Variants in CAAP1 observed in about 807,000 individuals in gnomAD.
The protein encoded by CAAP1 is caspase activity and apoptosis inhibitor 1, also known as conserved anti-apoptotic protein.
CAAP1 carries 20 observed loss-of-function variants against 34.0 expected under a neutral mutation model. That is an observed-to-expected ratio of 0.59 (90% CI 0.41 to 0.86). CAAP1 has a LOEUF of 0.86. Among genes scored for constraint, CAAP1 ranks in the 40% least tolerant of loss-of-function variants. The pLI is 0.00. For missense variants in CAAP1, 538 were observed against 450.5 expected (o/e 1.19, Z -1.76); for synonymous variants, 213 against 166.7 (o/e 1.28, Z -2.14).
intron 5 of CAAP1, among the ~76,000 whole-genome samples, chr9:26,856,775 T>C (rs555074193): frequency 3.3e-5 from 5 of 152,330 alleles, no homozygotes; most frequent in African/African-American, 1.2e-4. Flanking sequence ...CATTTAATAG[T>C]CCTTCAAATA....
chr9:26,852,772 G>A (rs139655324), intron 5 of CAAP1, among the ~76,000 whole-genome samples: 87 of 151,912 alleles, frequency 5.7e-4, no homozygotes, highest in Non-Finnish European at 6.8e-4. Flanking sequence ...TGAAATTCTA[G>A]GTTTATTAGA....
intron 1 of CAAP1, among the ~76,000 whole-genome samples, chr9:26,888,076 TA>T (rs1267606355): frequency 6.6e-6 from 1 of 152,252 alleles, no homozygotes; most frequent in Non-Finnish European, 1.5e-5. Context: ...TCTACTGCCA[TA>T]ATTCTGTTCC....
intron 5 of CAAP1, among the ~76,000 whole-genome samples, chr9:26,851,534 G>T (rs1470016697): frequency 3.3e-5 from 5 of 152,150 alleles, no homozygotes; most frequent in Admixed American, 2.0e-4. Context: ...TTTTACAATG[G>T]ATCAGATAAG....
chr9:26,884,849 G>A lies in CAAP1; in HGVS notation c.626C>T (p.Ala209Val). Residue 209 changes from alanine to valine, a missense_variant, in exon 4 of 6, where the codon GCA (alanine) becomes GTA (valine). Ala to Val is a moderately conservative substitution (Grantham distance 64, BLOSUM62 0). Coordinates refer to ENST00000333916, the MANE Select transcript of CAAP1 (RefSeq NM_024828.4). ...NGMDSDMEEE[A>V]DDGSKMGSDL... ...AGATCCCATCTTAGAACCATCATCT[G>A]CTTCCTCTTCCATATCAGAGTCCAT... 1.2e-6 allele frequency: 2 copies of A among 1,609,432 alleles called. No homozygotes were observed.
At chr9:26,885,734 C>A (rs1417877029) in intron 3 of CAAP1, among the ~76,000 whole-genome samples, 4 of 152,010 alleles carry the variant, frequency 2.6e-5, no homozygotes, top group Admixed American at 6.6e-5. Context: ...AGAGAGTAAA[C>A]AATATGCAAT....
At chr9:26,846,286 G>A (rs1203529401) in intron 5 of CAAP1, among the ~76,000 whole-genome samples, 3 of 151,488 alleles carry the variant, frequency 2.0e-5, no homozygotes, top group Non-Finnish European at 2.9e-5. Context: ...GCGTGGTGGC[G>A]GGTGCCTGTA....
rs183466731 is a variant in CAAP1, at chr9:26,860,123, A to G, written c.739+943T>C. On this transcript the variant is annotated intron_variant, in intron 5 of 5. Transcript: ENST00000333916. ...AGATAACTTAATCTTCTTGGATGCA[A>G]CAAATTTTTACTGTTCTGAATTAAT... Among the ~76,000 whole-genome samples the G allele has an allele frequency of 4.4e-4, 67 of 152,318 alleles. No homozygotes were observed. The East Asian group carries it at 0.012, about 26-fold the overall frequency.
At chr9:26,892,121 T>A in intron 1 of CAAP1, 1 of 647,430 alleles carries the variant, frequency 1.5e-6, no homozygotes. Flanking sequence ...AGCTTCCAAC[T>A]CGTATTCTTC....
At chr9:26,870,921 G>T (rs1315517506) in intron 4 of CAAP1, among the ~76,000 whole-genome samples, 1 of 151,960 alleles carries the variant, frequency 6.6e-6, no homozygotes, top group Non-Finnish European at 1.5e-5. Context: ...CCAGCCGCAG[G>T]TCTATATTTT....
At chr9:26,852,732 C>T (rs1346690876) in intron 5 of CAAP1, among the ~76,000 whole-genome samples, 3 of 151,850 alleles carry the variant, frequency 2.0e-5, no homozygotes, top group Non-Finnish European at 4.4e-5. Flanking sequence ...TATAAGACTA[C>T]AGTACAGTAA....
At chr9:26,879,147 T>G (rs1396066848) in intron 4 of CAAP1, among the ~76,000 whole-genome samples, 1 of 152,218 alleles carries the variant, frequency 6.6e-6, no homozygotes, top group Non-Finnish European at 1.5e-5. Flanking sequence ...TCACTGCATT[T>G]AAGAATAGCT....
intron 5 of CAAP1, among the ~76,000 whole-genome samples, chr9:26,849,111 A>G (rs960987197): frequency 1.3e-5 from 2 of 152,220 alleles, no homozygotes; most frequent in Admixed American, 6.5e-5. Flanking sequence ...GAAATAGTGA[A>G]AGTATACAGG....
intron 4 of CAAP1, among the ~76,000 whole-genome samples, chr9:26,874,025 G>A (rs1403346134): frequency 6.6e-6 from 1 of 151,738 alleles, no homozygotes; most frequent in Non-Finnish European, 1.5e-5. Flanking sequence ...GGCTAACATG[G>A]TGAAACCCCA....
At chr9:26,847,613 A>G (rs185917662) in intron 5 of CAAP1, among the ~76,000 whole-genome samples, 6 of 152,232 alleles carry the variant, frequency 3.9e-5, no homozygotes, top group Non-Finnish European at 7.4e-5. Flanking sequence ...GTTTTGTGAA[A>G]TATCTGACTT....
Position 26,892,701 on chromosome 9 carries a change from C to T in CAAP1, c.15G>A (p.Lys5=), listed in dbSNP as rs893102297. The stretch of plus-strand genomic sequence containing the variant: ...GTTTGCGCCGTTTCTCCCGGGAGGA[C>T]TTTTTCCCCGTCATGATCCCTCTGC... MTGK[K]SSREKRRKRS... is the part of the protein sequence containing the mutation. The change falls in exon 1 of 6, where the codon AAG becomes AAA. Residue 5 remains lysine (K), a synonymous_variant. Transcript: ENST00000333916. The T allele has an allele frequency of 2.5e-6, 4 of 1,597,838 alleles. No individual in the cohort carries two copies. Among genetic ancestry groups the T allele is most frequent in the African/African-American group, 1.3e-5 (1 of 74,684 alleles).
chr9:26,845,763 T>C (rs555614419), intron 5 of CAAP1, among the ~76,000 whole-genome samples: 95 of 152,318 alleles, frequency 6.2e-4, no homozygotes, highest in African/African-American at 2.0e-3. Flanking sequence ...CACATTAGTC[T>C]CTCTCATAAG....
chr9:26,882,764 G>A (rs1039490898), intron 4 of CAAP1, among the ~76,000 whole-genome samples: 1 of 152,194 alleles, frequency 6.6e-6, no homozygotes, highest in African/African-American at 2.4e-5. Context: ...AAGCAGCTAG[G>A]AGGGAGGCTG....
chr9:26,885,466 T>C (rs1319812430), intron 3 of CAAP1, among the ~76,000 whole-genome samples: 1 of 152,196 alleles, frequency 6.6e-6, no homozygotes, highest in East Asian at 1.9e-4. Flanking sequence ...TATATATCTA[T>C]TTCCAGAGTT....
intron 5 of CAAP1, among the ~76,000 whole-genome samples, chr9:26,852,532 C>T (rs921200010): frequency 1.3e-5 from 2 of 151,912 alleles, no homozygotes; most frequent in South Asian, 4.2e-4. Context: ...GGGAAGGCTT[C>T]ATAGATAATG....
Sources: gnomAD v4.1 joint callset for allele counts (sites outside exome capture counted in the v4.1 genomes callset) on GRCh38, gnomAD v4.1.1 for gene constraint, MANE v1.5 for transcripts, NCBI Gene and HGNC (gene_info 2026-07-23, HGNC 2026-07-21) for gene names.